Variants in ATP6V1H observed in about 807,000 individuals in gnomAD.
ATP6V1H encodes V-type proton ATPase subunit H.
ATP6V1H carries 39 observed loss-of-function variants against 71.7 expected under a neutral mutation model. The observed-to-expected ratio is 0.54, with a 90% CI of 0.42 to 0.71. The LOEUF (loss-of-function observed/expected upper bound fraction) is 0.71. Among genes scored for constraint, ATP6V1H ranks in the 30% least tolerant of loss-of-function variants. The pLI is 0.00. For synonymous variants in ATP6V1H, 192 were observed against 199.3 expected (o/e 0.96, Z 0.31); for missense variants, 509 against 594.9 (o/e 0.86, Z 1.50).
At chr8:53,773,819 CTT>C (rs756410836) in intron 9 of ATP6V1H, among the ~76,000 whole-genome samples, 10 of 151,960 alleles carry the variant, frequency 6.6e-5, no homozygotes, top group Admixed American at 2.0e-4. Flanking sequence ...AAACAAAAAA[CTT>C]ATAAATTATT....
chr8:53,733,778 T>A (rs1807107801), intron 13 of ATP6V1H, among the ~76,000 whole-genome samples: 1 of 152,086 alleles, frequency 6.6e-6, no homozygotes, highest in Admixed American at 6.5e-5. Flanking sequence ...ACGAACCTTT[T>A]GAATAGGGGT....
At chr8:53,807,242 T>C (rs751187055) in intron 7 of ATP6V1H, among the ~76,000 whole-genome samples, 5 of 151,880 alleles carry the variant, frequency 3.3e-5, no homozygotes, top group Non-Finnish European at 7.4e-5. Flanking sequence ...TAGTCTCTCA[T>C]TAACAAGAAT....
chr8:53,796,137 A>G (rs1287332308), intron 8 of ATP6V1H, among the ~76,000 whole-genome samples: 2 of 152,214 alleles, frequency 1.3e-5, no homozygotes, highest in Non-Finnish European at 2.9e-5. Flanking sequence ...GAGCAATCGG[A>G]CAGACAATAG....
Position 53,810,740 on chromosome 8 carries a change from A to C in ATP6V1H, c.579+424T>G, listed in dbSNP as rs556442316. Among the ~76,000 whole-genome samples the C allele has an allele frequency of 9.8e-5, 15 of 152,312 alleles. No homozygotes were observed. In the South Asian group the frequency reaches 2.9e-3, roughly 29 times the overall value. ...GGGGGATAGAGCTAGACTGTGTCTC[A>C]AAAAATAAATAAATAAATAAAAGTA... On this transcript the variant is annotated intron_variant, in intron 7 of 13. Coordinates refer to ENST00000359530, the MANE Select transcript of ATP6V1H (RefSeq NM_015941.4).
intron 9 of ATP6V1H, among the ~76,000 whole-genome samples, chr8:53,792,597 T>A (rs1456057630): frequency 6.6e-6 from 1 of 152,044 alleles, no homozygotes; most frequent in African/African-American, 2.4e-5. Flanking sequence ...CCTGAGAAAA[T>A]GCATCGAGAC....
intron 13 of ATP6V1H, among the ~76,000 whole-genome samples, chr8:53,721,138 A>G (rs913490753): frequency 6.6e-6 from 1 of 152,176 alleles, no homozygotes; most frequent in Non-Finnish European, 1.5e-5. Context: ...GGTAAAGGGG[A>G]AAAATAAATC....
At chr8:53,739,046 TCCAGGTACCCAGAAACAGA>T (rs1030531138) in intron 13 of ATP6V1H, among the ~76,000 whole-genome samples, 6 of 152,158 alleles carry the variant, frequency 3.9e-5, no homozygotes, top group African/African-American at 1.4e-4. Context: ...TGTGGAAAAT[TCCAGGTACCCAGAAACAGA>T]CCAGGTACCC....
At chr8:53,815,178 T>C (rs1185128458) in intron 5 of ATP6V1H, among the ~76,000 whole-genome samples, 2 of 152,174 alleles carry the variant, frequency 1.3e-5, no homozygotes, top group Non-Finnish European at 2.9e-5. Context: ...TCCAAGCCAC[T>C]TGGGAGTTTT....
At chr8:53,814,623 A>T in intron 6 of ATP6V1H, 39 bp downstream of exon 6, 1 of 1,088,008 alleles carries the variant, frequency 9.2e-7, no homozygotes, top group Non-Finnish European at 1.4e-6. Flanking sequence ...CACGGATGTT[A>T]TATTCCTTTC....
chr8:53,747,584 G>A (rs1325830119), intron 12 of ATP6V1H, among the ~76,000 whole-genome samples: 1 of 150,204 alleles, frequency 6.7e-6, no homozygotes, highest in African/African-American at 2.5e-5. Context: ...CCATTGCCCA[G>A]GCTGGAGTGC....
chr8:53,821,071 A>G (rs1449903244), intron 4 of ATP6V1H, among the ~76,000 whole-genome samples: 1 of 149,266 alleles, frequency 6.7e-6, no homozygotes, highest in African/African-American at 2.6e-5. Flanking sequence ...CTCACCAGAA[A>G]AAAAAAAAAG....
At chr8:53,836,694 G>T (rs1408153638) in intron 2 of ATP6V1H, among the ~76,000 whole-genome samples, 1 of 152,178 alleles carries the variant, frequency 6.6e-6, no homozygotes, top group African/African-American at 2.4e-5. Context: ...TACATATGGG[G>T]TCATATTATT....
At chr8:53,754,164 T>G (rs1212840756) in intron 12 of ATP6V1H, among the ~76,000 whole-genome samples, 1 of 152,176 alleles carries the variant, frequency 6.6e-6, no homozygotes, top group African/African-American at 2.4e-5. Flanking sequence ...AAAGGGCATT[T>G]AGTGCCTCGT....
At chr8:53,794,282 T>C (rs1191477700) in intron 9 of ATP6V1H, among the ~76,000 whole-genome samples, 3 of 152,228 alleles carry the variant, frequency 2.0e-5, no homozygotes, top group Non-Finnish European at 4.4e-5. Flanking sequence ...CTTGCAAACA[T>C]CTGAAAGATG....
chr8:53,811,414 G>T (rs1810269922), intron 6 of ATP6V1H, among the ~76,000 whole-genome samples, 197 bp from the exon 7 acceptor site: 1 of 152,106 alleles, frequency 6.6e-6, no homozygotes, highest in Admixed American at 6.5e-5. Context: ...CATTCTTCCA[G>T]ATAATATATT....
chr8:53,824,913 C>T (rs1269663053), intron 4 of ATP6V1H, among the ~76,000 whole-genome samples: 1 of 151,724 alleles, frequency 6.6e-6, no homozygotes, highest in African/African-American at 2.4e-5. Flanking sequence ...TAAAAGAATT[C>T]ACTAAGGTAC....
chr8:53,778,896 G>A (rs1010041809), intron 9 of ATP6V1H, among the ~76,000 whole-genome samples: 74 of 152,264 alleles, frequency 4.9e-4, no homozygotes, highest in African/African-American at 1.7e-3. Flanking sequence ...AACCATAAGC[G>A]TAAGAATGCT....
intron 2 of ATP6V1H, 72 bp from the exon 3 acceptor site, chr8:53,833,158 G>A: frequency 8.2e-7 from 1 of 1,221,278 alleles, no homozygotes; most frequent in Non-Finnish European, 1.2e-6. Context: ...GGAATTTTCA[G>A]TCCTTCTCTT....
intron 3 of ATP6V1H, among the ~76,000 whole-genome samples, chr8:53,829,787 G>A (rs1810946836): frequency 6.6e-6 from 1 of 152,122 alleles, no homozygotes; most frequent in South Asian, 2.1e-4. Flanking sequence ...GATATACTTA[G>A]CCACTAATAA....
Sources: allele counts gnomAD v4.1 joint callset (sites outside exome capture counted in the v4.1 genomes callset), GRCh38; gene constraint gnomAD v4.1.1; transcripts MANE v1.5; gene names NCBI Gene and HGNC (gene_info 2026-07-23, HGNC 2026-07-21).